Variants in MTMR10 observed in about 807,000 individuals in gnomAD.
MTMR10 encodes myotubularin related protein 10, also known as myotubularin-related protein 10.
Under a neutral mutation model 88.1 loss-of-function variants are expected in MTMR10, and 56 were observed. That is an observed-to-expected ratio of 0.64 (90% CI 0.51 to 0.79). MTMR10 has a LOEUF of 0.79. MTMR10 is among the 30% of genes least tolerant of loss of function. MTMR10 has a pLI of 0.00. For missense variants in MTMR10, 883 were observed against 924.7 expected (o/e 0.95, Z 0.58); for synonymous variants, 380 against 340.9 (o/e 1.11, Z -1.26).
intron 2 of MTMR10, among the ~76,000 whole-genome samples, chr15:30,990,285 T>A (rs555097013): frequency 6.6e-6 from 1 of 152,178 alleles, no homozygotes; most frequent in Non-Finnish European, 1.5e-5. Context: ...CGTCCAACTA[T>A]GAATTATCTG....
rs1346636713 is a variant in MTMR10 at position 30,940,642 on chromosome 15, G to T, written c.*828C>A. 3 of 985,988 alleles carry T rather than the reference G, an allele frequency of 3.0e-6. No homozygotes were observed. The highest frequency in any genetic ancestry group is 3.6e-6 in the Non-Finnish European group (3 of 830,526). 61.1% of individuals were successfully genotyped at this position (985,988 alleles called of 1,614,324 possible). On this transcript the variant is annotated 3_prime_UTR_variant, in exon 16 of 16. Transcript: ENST00000435680. ...CCTGTCTACAGCATACACCTCTGTG[G>T]AATCAGCACCCCAGAGGCCACTCCC...
At chr15:30,927,859 A>G in the MTMR10 span, 1 of 985,418 alleles carries the variant, frequency 1.0e-6, no homozygotes, top group Non-Finnish European at 1.2e-6. Context: ...CCCACACCAG[A>G]CCCTGCCTCT....
At chr15:30,944,290 G>A (rs1471734429) in intron 14 of MTMR10, among the ~76,000 whole-genome samples, 2 of 152,128 alleles carry the variant, frequency 1.3e-5, no homozygotes, top group Admixed American at 6.5e-5. Context: ...TTGGCCAGGC[G>A]CAGTGGTGAC....
chr15:30,961,638 G>A (rs1456531161), intron 6 of MTMR10, among the ~76,000 whole-genome samples: 2 of 152,042 alleles, frequency 1.3e-5, no homozygotes, highest in Non-Finnish European at 2.9e-5. Context: ...TATCTTCTCT[G>A]CCTTCAAACG....
chr15:30,936,782 AAACCGTAGAGTACT>A (rs2062866525), downstream of MTMR10, among the ~76,000 whole-genome samples: 1 of 152,224 alleles, frequency 6.6e-6, no homozygotes, highest in East Asian at 1.9e-4. Context: ...AGTTCACTGC[AAACCGTAGAGTACT>A]GGTTATCCTC....
the MTMR10 span, chr15:30,929,477 A>G: frequency 9.6e-7 from 1 of 1,043,046 alleles, no homozygotes; most frequent in South Asian, 1.6e-5. Context: ...ACTTTATCAA[A>G]ATACACATGT....
At position 30,958,967 on chromosome 15, in the gene MTMR10, AATCC is replaced by A; in HGVS notation, c.847-20_847-17del. On this transcript the variant is annotated splice_polypyrimidine_tract_variant and intron_variant, in intron 8 of 15. Transcript: ENST00000435680. ...AGCACCAGAGCTAGGGGAGAGGTAGAATCCTTACTTCACTGTGTAGAAACAATGG... is the reference window on the plus strand; with the variant it reads ...AGCACCAGAGCTAGGGGAGAGGTAGATTACTTCACTGTGTAGAAACAATGG... 1 of 1,613,986 alleles carries A rather than the reference AATCC, an allele frequency of 6.2e-7. No individual in the cohort carries two copies. The highest frequency in any genetic ancestry group is 1.1e-5 in the South Asian group (1 of 91,086).
the MTMR10 span, chr15:30,920,691 G>A: frequency 8.1e-7 from 1 of 1,231,442 alleles, no homozygotes. Context: ...CATTACTGAT[G>A]TGATGGCGTT....
the MTMR10 span, chr15:30,930,823 C>A: frequency 2.3e-6 from 2 of 881,328 alleles, no homozygotes; most frequent in Non-Finnish European, 1.8e-6. Flanking sequence ...GGCCTGTCCC[C>A]TGCGACTGGC....
At chr15:30,963,277 G>T (rs766422656) in intron 6 of MTMR10, among the ~76,000 whole-genome samples, 8 of 152,126 alleles carry the variant, frequency 5.3e-5, no homozygotes, top group Non-Finnish European at 1.2e-4. Flanking sequence ...TAGGAATTTG[G>T]ACTCCTCTTA....
chr15:30,961,755 C>G (rs2063405378), intron 6 of MTMR10, among the ~76,000 whole-genome samples: 10 of 152,188 alleles, frequency 6.6e-5, no homozygotes, highest in Admixed American at 6.5e-4. Flanking sequence ...CACCTTCCCC[C>G]AGAATGAAGA....
chr15:30,948,547 GATAATTTA>G, intron 12 of MTMR10, 76 bp from the exon 13 acceptor site: 1 of 1,446,742 alleles, frequency 6.9e-7, no homozygotes, highest in Non-Finnish European at 9.4e-7. Context: ...AGGTAAACTA[GATAATTTA>G]GTATTCTGCA....
At position 30,939,743 on chromosome 15, in the gene MTMR10, AAG is replaced by A. The variant is rs961796497; in HGVS notation, c.*1725_*1726del. 1 of 984,360 alleles carries A rather than the reference AAG, an allele frequency of 1.0e-6. No homozygotes were observed. The highest frequency in any genetic ancestry group is 1.1e-4 in the East Asian group (1 of 8,810). The allele number at this position is 984,360 out of a possible 1,614,324, so 61.0% of individuals were successfully genotyped here. On this transcript the variant is annotated 3_prime_UTR_variant, in exon 16 of 16. Coordinates refer to ENST00000435680, the MANE Select transcript of MTMR10 (RefSeq NM_017762.3). Reference sequence around the variant, plus strand: ...ATAATAAAAAAGCAGCTAAATGAAAAAGGGAGAATTGTGATTACACTGTCAAT... The same window carrying A: ...ATAATAAAAAAGCAGCTAAATGAAAAGGAGAATTGTGATTACACTGTCAAT...
chr15:30,943,615 G>A (rs1175170411), intron 14 of MTMR10: 1 of 985,260 alleles, frequency 1.0e-6, no homozygotes, highest in Non-Finnish European at 1.2e-6. Flanking sequence ...ACTCCCTGTG[G>A]TCCTAGCATG....
At chr15:30,982,975 T>C (rs992813743) in intron 2 of MTMR10, among the ~76,000 whole-genome samples, 6 of 152,246 alleles carry the variant, frequency 3.9e-5, no homozygotes, top group African/African-American at 1.4e-4. Context: ...GTACTGAGAC[T>C]GCTCTTGTTC....
At chr15:30,976,588 T>C (rs1268726412) in intron 3 of MTMR10, among the ~76,000 whole-genome samples, 1 of 152,196 alleles carries the variant, frequency 6.6e-6, no homozygotes, top group Non-Finnish European at 1.5e-5. Context: ...TAATGAACGA[T>C]CACAGAGGAT....
rs796837931 is a variant in MTMR10, at chr15:30,940,427, T to C, written c.*1043A>G. On this transcript the variant is annotated 3_prime_UTR_variant, in exon 16 of 16. Transcript: ENST00000435680. Reference sequence around the variant, plus strand: ...AATCCATTTTTTTATTTCTCCTCTATTCCTAAGCATTAGGAACTATGAGAG... The same window carrying C: ...AATCCATTTTTTTATTTCTCCTCTACTCCTAAGCATTAGGAACTATGAGAG... 2 of 985,456 alleles carry C rather than the reference T, an allele frequency of 2.0e-6. No homozygotes were observed. The highest frequency in any genetic ancestry group is 4.7e-5 in the South Asian group (1 of 21,292). 61.0% of individuals were successfully genotyped at this position (985,456 alleles called of 1,614,324 possible). A position where few individuals can be genotyped will look rare whatever the true frequency, so the allele number is the denominator to read the frequency against.
At chr15:30,944,165 C>G (rs761690551) in intron 14 of MTMR10, 21 of 263,668 alleles carry the variant, frequency 8.0e-5, no homozygotes, top group Non-Finnish European at 1.1e-4. Context: ...CTTGAATCAT[C>G]AAGAAATGGC....
chr15:30,976,740 A>C, intron 3 of MTMR10, 79 bp downstream of exon 3: 1 of 1,436,544 alleles, frequency 7.0e-7, no homozygotes, highest in East Asian at 2.3e-5. Flanking sequence ...ACTTTTCCAT[A>C]CCTATGTTTT....
Sources: gnomAD v4.1 joint callset for allele counts (sites outside exome capture counted in the v4.1 genomes callset) on GRCh38, gnomAD v4.1.1 for gene constraint, MANE v1.5 for transcripts, NCBI Gene and HGNC (gene_info 2026-07-23, HGNC 2026-07-21) for gene names.